VDR: variants seen among roughly 807,000 people sequenced by gnomAD.
VDR encodes the protein vitamin D receptor.
Under a neutral mutation model 39.7 loss-of-function variants are expected in VDR, and 19 were observed. The ratio of observed to expected loss-of-function variants is 0.48; its 90% confidence interval spans 0.33 to 0.70. The LOEUF is 0.70. Ranked by LOEUF, VDR falls within the 30% of genes least tolerant of loss-of-function variation. The pLI is 0.02. For synonymous variants in VDR, 242 were observed against 215.8 expected (o/e 1.12, Z -1.07); for missense variants, 442 against 570.5 (o/e 0.77, Z 2.29).
At chr12:47,871,537 C>T (rs538187041) in intron 3 of VDR, among the ~76,000 whole-genome samples, 2 of 150,572 alleles carry the variant, frequency 1.3e-5, no homozygotes, top group Non-Finnish European at 2.9e-5. Flanking sequence ...GATCTGGGCT[C>T]ACTGCAACCT....
rs1565622821 is a variant in VDR at position 47,871,355 on chromosome 12, T to TTTCTTTCTTTCG, written c.147-6179_147-6178insCGAAAGAAAGAA. Reference sequence around the variant, plus strand: ...CTTTCTTTCTTTCTTTCTTTCTTTCTTTCCTTTCTCTCTCTCTCTCTCTTC... The same window carrying TTTCTTTCTTTCG: ...CTTTCTTTCTTTCTTTCTTTCTTTCTTTCTTTCTTTCGTTCCTTTCTCTCTCTCTCTCTCTTC... On this transcript the variant is annotated intron_variant, in intron 3 of 9. Coordinates refer to ENST00000549336, the MANE Select transcript of VDR (RefSeq NM_000376.3). Among the ~76,000 whole-genome samples the TTTCTTTCTTTCG allele has an allele frequency of 6.8e-5, 10 of 146,640 alleles. No homozygotes were observed. In the South Asian group the frequency reaches 2.0e-3, roughly 29 times the overall value.
At chr12:47,896,228 T>G (rs1469600255) in intron 1 of VDR, among the ~76,000 whole-genome samples, 1 of 152,260 alleles carries the variant, frequency 6.6e-6, no homozygotes, top group Non-Finnish European at 1.5e-5. Context: ...ACGTTAGTGC[T>G]TATTATTGCG....
At chr12:47,858,795 G>T (rs532169317) in intron 4 of VDR, among the ~76,000 whole-genome samples, 42 of 152,374 alleles carry the variant, frequency 2.8e-4, no homozygotes, top group African/African-American at 9.6e-4. Flanking sequence ...GGAACCAGAA[G>T]CCCAGGGTGG....
Position 47,865,187 on chromosome 12 carries a change from G to A in VDR, c.147-10C>T. ...CCGCTTCATGCTTCGCCTGCCGAGAGAGCACACACCCTGCCCTGGGTCACT... is the reference window on the plus strand; with the variant it reads ...CCGCTTCATGCTTCGCCTGCCGAGAAAGCACACACCCTGCCCTGGGTCACT... On this transcript the variant is annotated splice_polypyrimidine_tract_variant and intron_variant, in intron 3 of 9. Coordinates refer to ENST00000549336, the MANE Select transcript of VDR (RefSeq NM_000376.3). The A allele has an allele frequency of 2.5e-6, 4 of 1,610,670 alleles. No homozygotes were observed. Among genetic ancestry groups the A allele is most frequent in the Non-Finnish European group, 3.4e-6 (4 of 1,178,382 alleles).
chr12:47,879,718 C>T (rs951902300), intron 2 of VDR, among the ~76,000 whole-genome samples: 3 of 152,154 alleles, frequency 2.0e-5, no homozygotes, highest in Admixed American at 2.0e-4. Flanking sequence ...AGGCTTATGC[C>T]CCTGGTGTTC....
At chr12:47,901,266 C>G (rs1418418940) in intron 1 of VDR, 1 of 155,200 alleles carries the variant, frequency 6.4e-6, no homozygotes, top group Non-Finnish European at 1.5e-5. Context: ...GCCCGATCAC[C>G]CACAGGCTGG....
chr12:47,868,455 C>CT (rs1191443437), intron 3 of VDR, among the ~76,000 whole-genome samples: 1 of 152,232 alleles, frequency 6.6e-6, no homozygotes, highest in African/African-American at 2.4e-5. Flanking sequence ...ATACGCCAGG[C>CT]TTTTTTCCAT....
chr12:47,885,963 A>G (rs1332336443), intron 1 of VDR, among the ~76,000 whole-genome samples: 1 of 152,242 alleles, frequency 6.6e-6, no homozygotes, highest in Non-Finnish European at 1.5e-5. Flanking sequence ...TCAGATGCCA[A>G]TGAGCAGGAA....
intron 3 of VDR, among the ~76,000 whole-genome samples, chr12:47,871,292 C>CTCTCTCTTTCTTTCTTTCTTTCTT (rs1555153492): frequency 6.3e-5 from 5 of 79,852 alleles, no homozygotes; most frequent in African/African-American, 1.8e-4. Flanking sequence ...CTTTCTCTTT[C>CTCTCTCTTTCTTTCTTTCTTTCTT]TCTTTCTTTC....
intron 4 of VDR, among the ~76,000 whole-genome samples, chr12:47,863,125 G>A (rs565251536): frequency 1.3e-5 from 2 of 152,242 alleles, no homozygotes; most frequent in East Asian, 3.9e-4. Context: ...TCCTGGGCAG[G>A]GCCCCCTGAT....
intron 1 of VDR, chr12:47,904,672 T>C (rs900232354): frequency 5.2e-6 from 8 of 1,527,056 alleles, no homozygotes; most frequent in South Asian, 1.2e-5. Flanking sequence ...ATACTTCTTG[T>C]TGCCCAAGTG....
chr12:47,899,257 G>A (rs1276050559), intron 1 of VDR, among the ~76,000 whole-genome samples: 1 of 152,156 alleles, frequency 6.6e-6, no homozygotes, highest in Non-Finnish European at 1.5e-5. Flanking sequence ...AGAAGTGCAA[G>A]AGTCTCTTTT....
At chr12:47,852,316 C>T (rs1455358644) in intron 7 of VDR, among the ~76,000 whole-genome samples, 1 of 152,208 alleles carries the variant, frequency 6.6e-6, no homozygotes, top group African/African-American at 2.4e-5. Flanking sequence ...AAGCCGAGTG[C>T]TTCTGTGTTT....
chr12:47,878,888 A>G (rs749399764), intron 3 of VDR, 80 bp downstream of exon 3: 25 of 1,608,568 alleles, frequency 1.6e-5, no homozygotes, highest in Non-Finnish European at 2.0e-5. Flanking sequence ...GATGTGAAAA[A>G]TGCAAGGGCT....
At chr12:47,870,285 T>C (rs1252362602) in intron 3 of VDR, among the ~76,000 whole-genome samples, 1 of 152,218 alleles carries the variant, frequency 6.6e-6, no homozygotes, top group Non-Finnish European at 1.5e-5. Flanking sequence ...TGCCCAACCC[T>C]GGCTCTGTGC....
chr12:47,858,156 C>G (rs1945534205), intron 4 of VDR, among the ~76,000 whole-genome samples: 1 of 152,140 alleles, frequency 6.6e-6, no homozygotes, highest in Non-Finnish European at 1.5e-5. Flanking sequence ...GATTTGAGAA[C>G]TGGATGCATG....
intron 3 of VDR, 168 bp downstream of exon 3, chr12:47,878,800 A>T: frequency 9.5e-7 from 1 of 1,053,734 alleles, no homozygotes; most frequent in Non-Finnish European, 1.4e-6. Context: ...AGGAGGGAAA[A>T]GAAGATACCA....
intron 9 of VDR, 37 bp downstream of exon 9, chr12:47,846,298 C>A: frequency 6.3e-7 from 1 of 1,589,156 alleles, no homozygotes; most frequent in Non-Finnish European, 8.6e-7. Context: ...CTCCCCGCTC[C>A]CCAGGTCCCT....
intron 7 of VDR, among the ~76,000 whole-genome samples, chr12:47,848,207 T>A (rs1420431559): frequency 6.6e-6 from 1 of 152,136 alleles, no homozygotes; most frequent in Non-Finnish European, 1.5e-5. Context: ...TTTTAAATTT[T>A]TTTTGTAGGG....
Sources: gnomAD v4.1 joint callset for allele counts (sites outside exome capture counted in the v4.1 genomes callset) on GRCh38, gnomAD v4.1.1 for gene constraint, MANE v1.5 for transcripts, NCBI Gene and HGNC (gene_info 2026-07-23, HGNC 2026-07-21) for gene names.